The following CRYBG1 variants were observed in gnomAD, a reference collection of about 807,000 sequenced individuals.
The protein encoded by CRYBG1 is beta/gamma crystallin domain-containing protein 1.
A neutral mutation model predicts 189.2 loss-of-function variants in CRYBG1; 139 were observed. That is an observed-to-expected ratio of 0.73 (90% confidence interval 0.64 to 0.85). The LOEUF (loss-of-function observed/expected upper bound fraction) is 0.85. Among genes scored for constraint, CRYBG1 ranks in the 40% least tolerant of loss-of-function variants. The pLI, the probability that CRYBG1 is intolerant of heterozygous loss-of-function variation, is 0.00. For synonymous variants in CRYBG1, 1,023 were observed against 1,017.1 expected, an observed-to-expected ratio of 1.01 and a Z score of -0.11; for missense variants, 2,611 against 2,675.8, an observed-to-expected ratio of 0.98 and a Z score of 0.53.
chr6:106,512,263 G>T lies in CRYBG1; in HGVS notation c.1146G>T (p.Leu382Phe). 1 of 1,558,910 alleles carries T rather than the reference G, an allele frequency of 6.4e-7. No individual in the cohort carries two copies. The change falls in exon 3 of 22, where the codon TTG becomes TTT. Residue 382 changes from leucine (L) to phenylalanine (F), a missense_variant. Around this residue, in one of 3 missense-constraint regions of CRYBG1, gnomAD observed 985 missense variants for 924.4 expected, o/e 1.07. Coordinates refer to ENST00000633556, the MANE Select transcript of CRYBG1 (RefSeq NM_001371242.2). ...PAKVLTLDIY[L>F]SKTEGAQVDE... ...AGGTGCTAACTTTGGACATCTACTT[G>T]AGTAAGACTGAGGGGGCACAAGTGG...
chr6:106,520,276 C>A lies in CRYBG1; in HGVS notation c.3068C>A (p.Ala1023Glu), dbSNP rs1261330758. ...TCTCATTGCACAGCAGAGCTCGCGG[C>A]AAAATCTGGCCCACAAGTCATACCG... ...EHSHCTAELA[A>E]KSGPQVIPPA... The change falls in exon 4 of 22, where the codon GCA becomes GAA. Residue 1023 changes from alanine to glutamate, a missense_variant. Around this residue, in one of 3 missense-constraint regions of CRYBG1, gnomAD observed 1,622 missense variants for 1,735.0 expected, o/e 0.93. Transcript: ENST00000633556. 3.7e-6 allele frequency: 6 copies of A among 1,614,032 alleles called. No homozygotes were observed. Among genetic ancestry groups the A allele is most frequent in the Middle Eastern group, 1.6e-4 (1 of 6,084 alleles).
At position 106,511,562 on chromosome 6, in the gene CRYBG1, C is replaced by G; in HGVS notation, c.445C>G (p.Leu149Val). The G allele has an allele frequency of 6.5e-7, 1 of 1,535,866 alleles. No individual in the cohort carries two copies. Among genetic ancestry groups the G allele is most frequent in the African/African-American group, 1.4e-5 (1 of 73,160 alleles). ...TCCCACCAGATCAAATGCCAAACCA[C>G]TCTCTCCCAAAGATGTGGTAGCCTC... ...ESPTRSNAKP[L>V]SPKDVVASPK... The change falls in exon 3 of 22, where the codon CTC becomes GTC. Residue 149 changes from leucine (L) to valine (V), a missense_variant. By Grantham distance (32) the Leu-to-Val change is conservative. Coordinates refer to ENST00000633556, the MANE Select transcript of CRYBG1 (RefSeq NM_001371242.2).
intron 2 of CRYBG1, among the ~76,000 whole-genome samples, chr6:106,465,952 G>A (rs1038506643): frequency 6.6e-6 from 1 of 152,100 alleles, no homozygotes; most frequent in Non-Finnish European, 1.5e-5. Flanking sequence ...ATCTATCTGT[G>A]CATTAGCAAC....
chr6:106,425,944 A>C (rs1237994352), intron 1 of CRYBG1, among the ~76,000 whole-genome samples: 1 of 152,126 alleles, frequency 6.6e-6, no homozygotes, highest in Non-Finnish European at 1.5e-5. Context: ...AGCCAGTTTC[A>C]CTTTAAATTC....
At chr6:106,361,969 C>CTTT (rs200251504) in intron 1 of CRYBG1, among the ~76,000 whole-genome samples, 56 of 112,352 alleles carry the variant, frequency 5.0e-4, no homozygotes, top group Non-Finnish European at 7.9e-4. Flanking sequence ...TTCTTTCTTT[C>CTTT]TTTTTTTTTT....
intron 2 of CRYBG1, among the ~76,000 whole-genome samples, chr6:106,492,331 T>C (rs1480759303): frequency 6.6e-6 from 1 of 152,356 alleles, no homozygotes; most frequent in East Asian, 1.9e-4. Context: ...GTTGGGTTAA[T>C]AGAAGAATTC....
intron 3 of CRYBG1, among the ~76,000 whole-genome samples, chr6:106,518,390 A>T (rs909514339): frequency 1.7e-4 from 26 of 152,350 alleles, no homozygotes; most frequent in East Asian, 1.2e-3. Context: ...GATAATATTT[A>T]AAAAGTTATG....
chr6:106,566,463 T>TG, intron 21 of CRYBG1, among the ~76,000 whole-genome samples: 1 of 106,530 alleles, frequency 9.4e-6, no homozygotes, highest in East Asian at 2.6e-4. Flanking sequence ...GCAACAACAG[T>TG]CTTTTTTTTT....
In CRYBG1 at chr6:106,364,853, G is replaced by A. The variant is rs1730935666; in HGVS notation, c.173+3772G>A. On this transcript the variant is annotated intron_variant, in intron 1 of 21. Coordinates refer to ENST00000633556, the MANE Select transcript of CRYBG1 (RefSeq NM_001371242.2). ...CTAGGAAAGTTATTAACATTTTTGTGCCACAATTTTCTCATTCACAAAATG... is the reference window on the plus strand; with the variant it reads ...CTAGGAAAGTTATTAACATTTTTGTACCACAATTTTCTCATTCACAAAATG... Among the ~76,000 whole-genome samples, 3 of 152,108 alleles carry A rather than the reference G, an allele frequency of 2.0e-5. No individual in the cohort carries two copies. In the South Asian group the frequency reaches 6.2e-4, roughly 32 times the overall value.
chr6:106,490,941 G>A (rs1023793535), intron 2 of CRYBG1, among the ~76,000 whole-genome samples: 1 of 152,130 alleles, frequency 6.6e-6, no homozygotes, highest in African/African-American at 2.4e-5. Flanking sequence ...CTTGATTAAG[G>A]CTGGAAAGTA....
intron 1 of CRYBG1, among the ~76,000 whole-genome samples, chr6:106,362,388 T>C (rs2791113): frequency 0.67 from 101,210 of 152,074 alleles, 33,853 homozygotes; most frequent in African/African-American, 0.73. Context: ...ACAGGAATAA[T>C]TGTGTCATCA....
chr6:106,481,372 C>T (rs1375408995), intron 2 of CRYBG1, among the ~76,000 whole-genome samples: 1 of 152,060 alleles, frequency 6.6e-6, no homozygotes, highest in Non-Finnish European at 1.5e-5. Context: ...AAGAGAACAA[C>T]TACCAAACCT....
chr6:106,488,391 C>T (rs1330124097), intron 2 of CRYBG1, among the ~76,000 whole-genome samples: 2 of 152,190 alleles, frequency 1.3e-5, no homozygotes, highest in African/African-American at 2.4e-5. Context: ...AGATCCCTTC[C>T]TGTGGTGCAG....
intron 18 of CRYBG1, among the ~76,000 whole-genome samples, chr6:106,559,307 G>A (rs1774639594): frequency 6.6e-6 from 1 of 152,152 alleles, no homozygotes; most frequent in Non-Finnish European, 1.5e-5. Flanking sequence ...ATGATTAAAG[G>A]TCAACTTGGA....
At chr6:106,483,398 AT>A (rs1427355173) in intron 2 of CRYBG1, among the ~76,000 whole-genome samples, 5 of 108,696 alleles carry the variant, frequency 4.6e-5, no homozygotes, top group Non-Finnish European at 8.8e-5. Flanking sequence ...ATAGATATAT[AT>A]ATAAAACATT....
Position 106,544,986 on chromosome 6 carries a change from T to C in CRYBG1, c.5312+53T>C, listed in dbSNP as rs550944703. 2.7e-6 allele frequency: 4 copies of C among 1,501,436 alleles called. No homozygotes were observed. The South Asian group carries it at 5.1e-5, about 19-fold the overall frequency. The allele number at this position is 1,501,436 out of a possible 1,614,324, so 93.0% of individuals were successfully genotyped here. A position where few individuals can be genotyped will look rare whatever the true frequency, so the allele number is the denominator to read the frequency against. The stretch of plus-strand genomic sequence containing the variant: ...TAAACATGCGTTTTACCTTGGTTTG[T>C]TTTAAACTGGTAAGAGTCTATCACA... On this transcript the variant is annotated intron_variant, in intron 13 of 21. Coordinates refer to ENST00000633556, the MANE Select transcript of CRYBG1 (RefSeq NM_001371242.2).
intron 2 of CRYBG1, among the ~76,000 whole-genome samples, chr6:106,478,037 G>C (rs773736069): frequency 1.3e-5 from 2 of 152,246 alleles, no homozygotes; most frequent in Admixed American, 1.3e-4. Context: ...CCAAATGTCA[G>C]TACAAGTGCC....
intron 1 of CRYBG1, among the ~76,000 whole-genome samples, chr6:106,441,629 A>C (rs1317364204): frequency 6.6e-6 from 1 of 152,200 alleles, no homozygotes; most frequent in Non-Finnish European, 1.5e-5. Context: ...TCGCTACATA[A>C]GGATATGTCT....
chr6:106,418,407 T>G (rs552934820), intron 1 of CRYBG1, among the ~76,000 whole-genome samples: 1 of 152,268 alleles, frequency 6.6e-6, no homozygotes, highest in African/African-American at 2.4e-5. Context: ...GCTGTTTTTT[T>G]GGCTTGAAGG....
Sources: gnomAD v4.1 joint callset for allele counts (sites outside exome capture counted in the v4.1 genomes callset) on GRCh38, gnomAD v4.1.1 for gene constraint, gnomAD v4.1.1 regional missense constraint, MANE v1.5 for transcripts, NCBI Gene and HGNC (gene_info 2026-07-23, HGNC 2026-07-21) for gene names.